RBFOX1: variants seen among roughly 807,000 people sequenced by gnomAD.
The protein encoded by RBFOX1 is RNA binding protein fox-1 homolog 1.
Under a neutral mutation model 57.7 loss-of-function variants are expected in RBFOX1, and 8 were observed. That is an observed-to-expected ratio of 0.14 (90% CI 0.08 to 0.25). RBFOX1 has a LOEUF of 0.25. Among genes scored for constraint, RBFOX1 ranks in the 10% least tolerant of loss-of-function variants. RBFOX1 has a pLI of 1.00. For synonymous variants in RBFOX1, 326 were observed against 222.4 expected (o/e 1.47, Z -4.15); for missense variants, 611 against 548.5 (o/e 1.11, Z -1.14).
At chr16:6,647,631 A>G (rs1322872881) in intron 2 of RBFOX1, among the ~76,000 whole-genome samples, 3 of 152,234 alleles carry the variant, frequency 2.0e-5, no homozygotes, top group Non-Finnish European at 4.4e-5. Context: ...ACTGAGGGTT[A>G]GAGCTATGAC....
intron 3 of RBFOX1, among the ~76,000 whole-genome samples, chr16:6,864,329 A>G (rs1377743978): frequency 6.6e-6 from 1 of 152,152 alleles, no homozygotes; most frequent in Middle Eastern, 3.2e-3. Flanking sequence ...CAGTTATTTC[A>G]AGACAAACAT....
intron 1 of RBFOX1, among the ~76,000 whole-genome samples, chr16:5,399,758 G>C (rs1471245069): frequency 1.3e-5 from 2 of 149,174 alleles, no homozygotes; most frequent in African/African-American, 5.0e-5. Flanking sequence ...TTTTTTTTTT[G>C]GCTCATTTGC....
At chr16:5,816,237 A>G (rs963429119) in intron 3 of RBFOX1, among the ~76,000 whole-genome samples, 3 of 152,280 alleles carry the variant, frequency 2.0e-5, no homozygotes, top group African/African-American at 7.2e-5. Flanking sequence ...AGCAGGCGGA[A>G]TACCTTCTCC....
At chr16:5,427,399 G>C (rs1284119531) in intron 1 of RBFOX1, among the ~76,000 whole-genome samples, 1 of 152,094 alleles carries the variant, frequency 6.6e-6, no homozygotes, top group African/African-American at 2.4e-5. Flanking sequence ...AGCTTGGCCA[G>C]CATGGTGAAA....
At chr16:6,960,228 C>T (rs1598420955) in intron 3 of RBFOX1, among the ~76,000 whole-genome samples, 1 of 152,084 alleles carries the variant, frequency 6.6e-6, no homozygotes, top group African/African-American at 2.4e-5. Context: ...CACCTGGACC[C>T]ATTTAGATTA....
At chr16:6,733,135 T>C (rs1390805663) in intron 3 of RBFOX1, among the ~76,000 whole-genome samples, 1 of 152,152 alleles carries the variant, frequency 6.6e-6, no homozygotes, top group African/African-American at 2.4e-5. Flanking sequence ...AATGCAAATA[T>C]CAAAATGTGA....
intron 4 of RBFOX1, among the ~76,000 whole-genome samples, chr16:6,004,687 G>A (rs28451742): frequency 5.9e-5 from 9 of 152,138 alleles, no homozygotes; most frequent in African/African-American, 2.2e-4. Flanking sequence ...CCTTGAGATA[G>A]TGTCTGACTT....
chr16:7,637,007 A>G (rs2061872864), intron 11 of RBFOX1, among the ~76,000 whole-genome samples: 2 of 152,304 alleles, frequency 1.3e-5, no homozygotes, highest in South Asian at 2.1e-4. Context: ...CCACATATGA[A>G]TTTGAGTGGA....
At chr16:6,110,152 C>T (rs992078057) in intron 1 of RBFOX1, among the ~76,000 whole-genome samples, 1 of 150,870 alleles carries the variant, frequency 6.6e-6, no homozygotes, top group African/African-American at 2.4e-5. Flanking sequence ...ATGATCACAA[C>T]AGGTTTTTCA....
intron 2 of RBFOX1, among the ~76,000 whole-genome samples, chr16:5,589,670 A>C (rs2046943162): frequency 6.6e-6 from 1 of 152,166 alleles, no homozygotes; most frequent in Non-Finnish European, 1.5e-5. Context: ...CAAAGTCCAT[A>C]ATGGACTGGG....
At chr16:6,767,958 A>ATAATAATAAT (rs1567165972) in intron 3 of RBFOX1, among the ~76,000 whole-genome samples, 16 of 117,106 alleles carry the variant, frequency 1.4e-4, no homozygotes, top group Admixed American at 3.5e-4. Flanking sequence ...AAGAAGAAGA[A>ATAATAATAAT]GAAGAAGAAG....
chr16:5,842,872 G>A (rs1296955131), intron 3 of RBFOX1, among the ~76,000 whole-genome samples: 12 of 152,092 alleles, frequency 7.9e-5, no homozygotes. Flanking sequence ...GGACTAGAGT[G>A]CAGTGGCATG....
At chr16:5,278,661 A>G (rs1358510558) in intron 1 of RBFOX1, among the ~76,000 whole-genome samples, 2 of 152,190 alleles carry the variant, frequency 1.3e-5, no homozygotes, top group Non-Finnish European at 2.9e-5. Flanking sequence ...AGTGTTAGCC[A>G]TGCAATCTTT....
chr16:7,155,451 C>G (rs920382819), intron 4 of RBFOX1, among the ~76,000 whole-genome samples: 1 of 151,358 alleles, frequency 6.6e-6, no homozygotes, highest in African/African-American at 2.4e-5. Flanking sequence ...TAGAAAATAG[C>G]AAGGCATGGT....
rs543959457 is a variant in RBFOX1 at position 7,156,347 on chromosome 16, GTACATA to G, written c.27+104255_27+104260del. Among the ~76,000 whole-genome samples the G allele has an allele frequency of 3.0e-4, 46 of 151,466 alleles. No individual in the cohort carries two copies. The East Asian group carries it at 5.8e-3, about 19-fold the overall frequency. On this transcript the variant is annotated intron_variant, in intron 4 of 15. Transcript: ENST00000550418. Reference sequence around the variant, plus strand: ...TTGCAGCATATGTATATACATATCTGTACATATACATGCACATATACATATGCGTGT... The same window carrying G: ...TTGCAGCATATGTATATACATATCTGTACATGCACATATACATATGCGTGT...
chr16:7,323,298 C>T (rs1011900508), intron 4 of RBFOX1, among the ~76,000 whole-genome samples: 1 of 152,136 alleles, frequency 6.6e-6, no homozygotes, highest in Non-Finnish European at 1.5e-5. Context: ...CTGGTATGCA[C>T]CTGTAGTCCC....
chr16:7,324,290 T>A (rs920936357), intron 4 of RBFOX1, among the ~76,000 whole-genome samples: 1 of 152,162 alleles, frequency 6.6e-6, no homozygotes, highest in Non-Finnish European at 1.5e-5. Context: ...AGCAACTGAA[T>A]GGAATTAGTA....
chr16:7,438,528 G>A (rs926364173), intron 4 of RBFOX1, among the ~76,000 whole-genome samples: 49 of 152,296 alleles, frequency 3.2e-4, no homozygotes, highest in Admixed American at 3.2e-3. Context: ...CCTTCCTTTA[G>A]AAGGGCGTAA....
intron 13 of RBFOX1, among the ~76,000 whole-genome samples, chr16:7,665,811 A>G (rs2069083350): frequency 6.6e-6 from 1 of 152,212 alleles, no homozygotes; most frequent in South Asian, 2.1e-4. Context: ...TACAGACTAG[A>G]TAGCAAAAAA....
Sources: allele counts gnomAD v4.1 joint callset (sites outside exome capture counted in the v4.1 genomes callset), GRCh38; gene constraint gnomAD v4.1.1; transcripts MANE v1.5; gene names NCBI Gene and HGNC (gene_info 2026-07-23, HGNC 2026-07-21).